Variants in TTC13 observed in about 807,000 individuals in gnomAD.
The protein encoded by TTC13 is tetratricopeptide repeat domain 13.
In TTC13, 62 loss-of-function variants were observed where a neutral mutation model predicts 120.0. That is an observed-to-expected ratio of 0.52 (90% CI 0.42 to 0.64). TTC13 has a LOEUF of 0.64. Among genes scored for constraint, TTC13 ranks in the 30% least tolerant of loss-of-function variants. TTC13 has a pLI of 0.00. For synonymous variants in TTC13, 384 were observed against 393.5 expected, an observed-to-expected ratio of 0.98 and a Z score of 0.28; for missense variants, 824 against 1,050.2, an observed-to-expected ratio of 0.78 and a Z score of 2.98.
chr1:230,907,068 C>T, intron 22 of TTC13, 49 bp from the exon 23 acceptor site: 2 of 817,442 alleles, frequency 2.4e-6, no homozygotes, highest in South Asian at 2.1e-5. Flanking sequence ...ACAAAATTTG[C>T]AAAAAAAGGG....
chr1:230,922,777 C>T (rs1015086814), intron 15 of TTC13, among the ~76,000 whole-genome samples: 2 of 152,216 alleles, frequency 1.3e-5, no homozygotes, highest in African/African-American at 2.4e-5. Context: ...GATCAGCTCA[C>T]TCTTAACACA....
chr1:230,909,116 T>C (rs559286419), intron 20 of TTC13, 96 bp from the exon 21 acceptor site: 1 of 1,060,732 alleles, frequency 9.4e-7, no homozygotes. Flanking sequence ...AAGATAAAAT[T>C]TATTCAAAAA....
In TTC13 at chr1:230,978,758, G is replaced by T; in HGVS notation, c.73C>A (p.Arg25Ser). Residue 25 changes from arginine (R) to serine (S), a missense_variant, in exon 1 of 23, where the codon CGT becomes AGT. This residue lies in a region of TTC13 where 160 missense variants were observed against 137.2 expected (regional missense o/e 1.17). Transcript: ENST00000366661. This position sits in a 1 kb window ranked among gnomAD's most constrained non-coding sequence, Gnocchi z 5.6. The part of the protein sequence containing the change: ...GAVAAAGAAR[R>S]VLLLLLLGVL... ...CCCAGCAGCAGCAGCAGCAGGACACGCCGGGCGGCGCCCGCGGCGGCCACA... is the reference window on the plus strand; with the variant it reads ...CCCAGCAGCAGCAGCAGCAGGACACTCCGGGCGGCGCCCGCGGCGGCCACA... 1 of 1,499,980 alleles carries T rather than the reference G, an allele frequency of 6.7e-7. No individual in the cohort carries two copies. The highest frequency in any genetic ancestry group is 2.2e-5 in the Admixed American group (1 of 45,250). 92.9% of individuals were successfully genotyped at this position (1,499,980 alleles called of 1,614,324 possible). A position where few individuals can be genotyped will look rare whatever the true frequency, so the allele number is the denominator to read the frequency against.
intron 22 of TTC13, among the ~76,000 whole-genome samples, chr1:230,908,143 A>G (rs975434441): frequency 6.6e-6 from 1 of 152,200 alleles, no homozygotes; most frequent in African/African-American, 2.4e-5. Flanking sequence ...GATCATATAA[A>G]TAAGACTTTG....
Position 230,978,598 on chromosome 1 carries a change from G to A in TTC13, c.233C>T (p.Ser78Phe). Residue 78 changes from serine to phenylalanine, a missense_variant, in exon 1 of 23, where the codon TCC (serine) becomes TTC (phenylalanine). Physicochemically the swap from Ser to Phe is radical, Grantham distance 155 (BLOSUM62 -2). Around this residue, in one of 4 missense-constraint regions of TTC13, gnomAD observed 160 missense variants for 137.2 expected, o/e 1.17. Transcript: ENST00000366661. The surrounding 1 kb of genome is among the most constrained non-coding windows in gnomAD (Gnocchi z 5.6). ...AGAGTACTGGTCCCCCCAGTCCCCG[G>A]ACTGCGGGCTGCAGCCGCCGCCGCC... ...PAGGGGCSPQ[S>F]GDWGDQYSAE... The A allele has an allele frequency of 1.4e-6, 2 of 1,413,020 alleles. No individual in the cohort carries two copies. The highest frequency in any genetic ancestry group is 1.3e-5 in the South Asian group (1 of 75,222). The allele number at this position is 1,413,020 out of a possible 1,614,324, so 87.5% of individuals were successfully genotyped here. A position where few individuals can be genotyped will look rare whatever the true frequency, so the allele number is the denominator to read the frequency against.
chr1:230,945,554 T>C (rs559442513), intron 4 of TTC13, 100 bp from the exon 5 acceptor site: 1 of 1,049,610 alleles, frequency 9.5e-7, no homozygotes, highest in South Asian at 1.3e-5. Context: ...GTGACAGCTC[T>C]ACTTCTTTAT....
chr1:230,958,198 G>A (rs1390672933), intron 3 of TTC13, 26 bp downstream of exon 3: 1 of 1,605,228 alleles, frequency 6.2e-7, no homozygotes, highest in East Asian at 2.2e-5. Context: ...AAATATTACA[G>A]GAATATTACC....
intron 1 of TTC13, among the ~76,000 whole-genome samples, chr1:230,970,446 A>G (rs185838603): frequency 1.3e-5 from 2 of 152,290 alleles, no homozygotes; most frequent in East Asian, 3.9e-4. Context: ...TATTAAGACC[A>G]TCTGTATGCT....
At chr1:230,939,348 G>T (rs1674346592) in intron 8 of TTC13, 38 bp downstream of exon 8, 2 of 1,303,924 alleles carry the variant, frequency 1.5e-6, no homozygotes, top group Non-Finnish European at 2.2e-6. Flanking sequence ...AAGAGAAGCA[G>T]AGTCATCATA....
chr1:230,939,497 C>A lies in TTC13; in HGVS notation c.790-1G>T. ...AGTCTTCATGGGCTGTTGCATAGTC[C>A]TACAAAAAGGAGAGTGGGGGGAAAA... is the stretch of plus-strand genomic sequence containing the variant. On this transcript the variant is annotated splice_acceptor_variant, in intron 7 of 22. Transcript: ENST00000366661. LOFTEE classifies it high-confidence loss of function. 6.3e-7 allele frequency: 1 copy of A among 1,592,890 alleles called. No homozygotes were observed. The highest frequency in any genetic ancestry group is 8.6e-7 in the Non-Finnish European group (1 of 1,164,274).
In TTC13 at chr1:230,942,731, A is replaced by AAACAG. The variant is rs1306810092; in HGVS notation, c.672+1070_672+1074dup. Among the ~76,000 whole-genome samples the AAACAG allele has an allele frequency of 8.9e-4, 136 of 152,184 alleles. 1 individual carries two copies. Among genetic ancestry groups the AAACAG allele is most frequent in the African/African-American group, 2.9e-3 (122 of 41,454 alleles). On this transcript the variant is annotated intron_variant, in intron 6 of 22. Coordinates refer to ENST00000366661, the MANE Select transcript of TTC13 (RefSeq NM_024525.5). This position sits in a 1 kb window ranked among gnomAD's most constrained non-coding sequence, Gnocchi z 4.0. ...CAAACACATTTCACTTAAAAACATA[A>AAACAG]AACAGAATGCCTTTGTACAGACTCT...
chr1:230,945,612 T>G (rs943299253), intron 4 of TTC13, among the ~76,000 whole-genome samples, 158 bp from the exon 5 acceptor site: 2 of 152,234 alleles, frequency 1.3e-5, no homozygotes, highest in African/African-American at 4.8e-5. Flanking sequence ...CTGAAAAGTC[T>G]ATGTTCTTAA....
intron 20 of TTC13, among the ~76,000 whole-genome samples, chr1:230,909,551 G>C (rs1323451338): frequency 6.6e-6 from 1 of 152,226 alleles, no homozygotes; most frequent in African/African-American, 2.4e-5. Flanking sequence ...AAAATTGCTT[G>C]AACCCGGGAG....
intron 4 of TTC13, among the ~76,000 whole-genome samples, chr1:230,949,941 G>T (rs187185476): frequency 7.2e-5 from 11 of 152,244 alleles, no homozygotes; most frequent in Non-Finnish European, 1.5e-4. Flanking sequence ...GAGCCACCAC[G>T]CCCGGCCCAA....
chr1:230,940,626 C>T lies in TTC13; in HGVS notation c.673-70G>A, dbSNP rs1674448693. The T allele has an allele frequency of 1.0e-5, 10 of 982,426 alleles. No homozygotes were observed. The highest frequency in any genetic ancestry group is 1.4e-5 in the Non-Finnish European group (9 of 622,400). 60.9% of individuals were successfully genotyped at this position (982,426 alleles called of 1,614,324 possible). ...CCCTAAAATCCCAATGTTTTTGACT[C>T]TTCAATTCCACCTCACCATACTCCA... On this transcript the variant is annotated intron_variant, in intron 6 of 22. Coordinates refer to ENST00000366661, the MANE Select transcript of TTC13 (RefSeq NM_024525.5). The surrounding 1 kb of genome is among the most constrained non-coding windows in gnomAD (Gnocchi z 4.1).
chr1:230,945,571 A>G, intron 4 of TTC13, 117 bp from the exon 5 acceptor site: 1 of 884,164 alleles, frequency 1.1e-6, no homozygotes, highest in Non-Finnish European at 1.9e-6. Context: ...TTATGCTACG[A>G]CCACTCGTAA....
At chr1:230,920,883 G>A (rs1037953777) in intron 16 of TTC13, among the ~76,000 whole-genome samples, 3 of 152,204 alleles carry the variant, frequency 2.0e-5, no homozygotes, top group Non-Finnish European at 4.4e-5. Flanking sequence ...GTGTGAACAT[G>A]TATGGTTATG....
At chr1:230,908,585 G>A in intron 22 of TTC13, 127 bp downstream of exon 22, 3 of 706,238 alleles carry the variant, frequency 4.2e-6, no homozygotes, top group Non-Finnish European at 7.2e-6. Context: ...TAAATTCATT[G>A]TATTACATAT....
chr1:230,908,409 C>T (rs185955591), intron 22 of TTC13: 17 of 481,466 alleles, frequency 3.5e-5, no homozygotes, highest in African/African-American at 2.1e-4. Context: ...AGGCTGGTCT[C>T]GAACTCCTGG....
Sources: allele counts gnomAD v4.1 joint callset (sites outside exome capture counted in the v4.1 genomes callset), GRCh38; gene constraint gnomAD v4.1.1; regional missense constraint gnomAD v4.1.1; non-coding constraint Gnocchi (gnomAD v3.1); transcripts MANE v1.5; gene names NCBI Gene and HGNC (gene_info 2026-07-23, HGNC 2026-07-21).